The following NREP variants were observed in gnomAD, a reference collection of about 807,000 sequenced individuals.
NREP encodes neuronal regeneration related protein.
Under a neutral mutation model 8.6 loss-of-function variants are expected in NREP, and 5 were observed. The ratio of observed to expected loss-of-function variants is 0.58; its 90% CI spans 0.30 to 1.22. The LOEUF is 1.22. Among genes scored for constraint, NREP ranks in the 50% most tolerant of loss-of-function variants. The pLI is 0.07. For synonymous variants in NREP, 27 were observed against 28.0 expected (o/e 0.96, Z 0.11); for missense variants, 86 against 82.5 (o/e 1.04, Z -0.17).
intron 2 of NREP, among the ~76,000 whole-genome samples, chr5:111,867,963 C>T (rs565115991): frequency 3.9e-5 from 6 of 152,056 alleles, no homozygotes; most frequent in East Asian, 1.9e-4. Context: ...AAAGAATCCC[C>T]GTACCTGTTA....
At chr5:111,863,937 C>A (rs1031277607) in intron 2 of NREP, among the ~76,000 whole-genome samples, 1 of 152,108 alleles carries the variant, frequency 6.6e-6, no homozygotes, top group Non-Finnish European at 1.5e-5. Context: ...TATATGGAGT[C>A]TTAATGTCTG....
At position 111,803,923 on chromosome 5, in the gene NREP, G is replaced by A. The variant is rs561020297; in HGVS notation, c.136-68416C>T. The stretch of plus-strand genomic sequence containing the variant: ...GATATTCCTTATTCTTGGATTAGGA[G>A]AATAAAGTCATGAACATATCAGTTC... On this transcript the variant is annotated intron_variant, in intron 2 of 3. Transcript: ENST00000395634. Among the ~76,000 whole-genome samples the A allele has an allele frequency of 1.3e-4, 20 of 152,274 alleles. No individual in the cohort carries two copies. In the Middle Eastern group the frequency reaches 0.01, roughly 78 times the overall value.
chr5:111,871,376 C>A (rs980884309), intron 2 of NREP, among the ~76,000 whole-genome samples: 6 of 152,022 alleles, frequency 3.9e-5, no homozygotes, highest in African/African-American at 9.7e-5. Context: ...ACGGCACTTA[C>A]CATGAACGGA....
intron 2 of NREP, among the ~76,000 whole-genome samples, chr5:111,960,066 GTTAAT>G (rs1377182262): frequency 6.6e-6 from 1 of 151,950 alleles, no homozygotes; most frequent in Non-Finnish European, 1.5e-5. Context: ...AACTAAATTT[GTTAAT>G]TTAATTTTTT....
chr5:111,943,358 A>G (rs1388776080), intron 2 of NREP, among the ~76,000 whole-genome samples: 1 of 151,980 alleles, frequency 6.6e-6, no homozygotes, highest in Non-Finnish European at 1.5e-5. Flanking sequence ...TTGCTCTTAA[A>G]TGCTGGGCTT....
chr5:111,765,620 C>T (rs573452259), intron 2 of NREP, among the ~76,000 whole-genome samples: 1 of 152,302 alleles, frequency 6.6e-6, no homozygotes, highest in East Asian at 1.9e-4. Context: ...GGATGTGAAC[C>T]CAAGAAGTTT....
intron 2 of NREP, among the ~76,000 whole-genome samples, chr5:111,941,372 T>C (rs1253689476): frequency 6.6e-6 from 1 of 152,084 alleles, no homozygotes; most frequent in African/African-American, 2.4e-5. Flanking sequence ...TTATTTCTTA[T>C]AGTTCTGGAG....
intron 2 of NREP, among the ~76,000 whole-genome samples, chr5:111,841,811 G>A (rs1309962943): frequency 6.6e-6 from 1 of 152,088 alleles, no homozygotes; most frequent in Non-Finnish European, 1.5e-5. Flanking sequence ...GTAGAGATAA[G>A]AAAATTTTGG....
chr5:111,911,387 G>C (rs1754908545), intron 2 of NREP, among the ~76,000 whole-genome samples: 1 of 151,840 alleles, frequency 6.6e-6, no homozygotes, highest in Non-Finnish European at 1.5e-5. Flanking sequence ...TTACCTATTT[G>C]TTAGTTCAAC....
At chr5:111,815,843 A>G (rs1026707509) in intron 2 of NREP, among the ~76,000 whole-genome samples, 1 of 152,200 alleles carries the variant, frequency 6.6e-6, no homozygotes, top group Non-Finnish European at 1.5e-5. Context: ...AAGTTCTAAG[A>G]AAATACATGT....
At chr5:111,916,979 G>A (rs771819156) in intron 2 of NREP, among the ~76,000 whole-genome samples, 33 of 152,214 alleles carry the variant, frequency 2.2e-4, no homozygotes, top group East Asian at 3.9e-4. Context: ...GTTTCTGCCC[G>A]CTTGGAAGAG....
intron 2 of NREP, among the ~76,000 whole-genome samples, chr5:111,768,201 G>A (rs1040978498): frequency 6.6e-6 from 1 of 152,160 alleles, no homozygotes; most frequent in African/African-American, 2.4e-5. Context: ...ATTGGTGGGA[G>A]AGTAGAGAAC....
intron 2 of NREP, among the ~76,000 whole-genome samples, chr5:111,875,085 T>A (rs970190047): frequency 1.3e-5 from 2 of 152,120 alleles, no homozygotes; most frequent in African/African-American, 2.4e-5. Flanking sequence ...TGGAGAAAGA[T>A]CAAAAATGGG....
chr5:111,891,864 A>G (rs75174662), intron 2 of NREP, among the ~76,000 whole-genome samples: 2,586 of 152,266 alleles, frequency 0.017, 66 homozygotes, highest in African/African-American at 0.059. Context: ...ATCGTGAGCC[A>G]ATCACCTCCC....
chr5:111,976,715 C>A, exon 1 of NREP: 1 of 1,550,382 alleles, frequency 6.5e-7, no homozygotes, highest in South Asian at 1.2e-5. Flanking sequence ...CATACCAAAG[C>A]AGAATAATTC....
intron 1 of NREP, among the ~76,000 whole-genome samples, chr5:111,975,682 A>C (rs765434533): frequency 1.3e-5 from 2 of 152,216 alleles, no homozygotes; most frequent in Admixed American, 1.3e-4. Context: ...AGTATCCATA[A>C]ACATAGATAT....
intron 2 of NREP, among the ~76,000 whole-genome samples, chr5:111,903,770 G>A (rs1301359100): frequency 3.3e-5 from 5 of 151,982 alleles, no homozygotes; most frequent in African/African-American, 4.8e-5. Flanking sequence ...AAACACTCCC[G>A]ATGAATGGAG....
intron 2 of NREP, among the ~76,000 whole-genome samples, chr5:111,775,027 G>A (rs543723113): frequency 1.3e-5 from 2 of 152,264 alleles, no homozygotes; most frequent in African/African-American, 4.8e-5. Context: ...TTTTCCTGAA[G>A]AATCACAGTA....
At chr5:111,916,268 T>G (rs1207842822) in intron 2 of NREP, among the ~76,000 whole-genome samples, 1 of 150,688 alleles carries the variant, frequency 6.6e-6, no homozygotes, top group Non-Finnish European at 1.5e-5. Flanking sequence ...GAGAACAAGG[T>G]AGAGAGTTGC....
Sources: gnomAD v4.1 joint callset for allele counts (sites outside exome capture counted in the v4.1 genomes callset) on GRCh38, gnomAD v4.1.1 for gene constraint, MANE v1.5 for transcripts, NCBI Gene and HGNC (gene_info 2026-07-23, HGNC 2026-07-21) for gene names.